Variants in SF1 observed in about 807,000 individuals in gnomAD.
The protein encoded by SF1 is branch point-binding protein.
SF1 carries 7 observed loss-of-function variants against 62.5 expected under a neutral mutation model. That is an observed-to-expected ratio of 0.11 (90% CI 0.06 to 0.21). The LOEUF (loss-of-function observed/expected upper bound fraction) is 0.21. Ranked by LOEUF, SF1 falls within the 10% of genes least tolerant of loss-of-function variation. The probability of loss-of-function intolerance (pLI) is 1.00; values close to 1 mark genes in which losing one functional copy is unlikely to be tolerated. For missense variants in SF1, 578 were observed against 884.0 expected (o/e 0.65, Z 4.39); for synonymous variants, 394 against 323.6 (o/e 1.22, Z -2.33).
At chr11:64,767,935 G>A (rs992713040) in intron 9 of SF1, 91 bp from the exon 10 acceptor site, 1 of 1,520,748 alleles carries the variant, frequency 6.6e-7, no homozygotes, top group Non-Finnish European at 8.8e-7. Context: ...CAGAACACAA[G>A]AACAAGGTCT....
At chr11:64,777,621 C>G in intron 1 of SF1, 1 of 985,540 alleles carries the variant, frequency 1.0e-6, no homozygotes, top group Non-Finnish European at 1.2e-6. Flanking sequence ...GGCTTTCACG[C>G]CCTGCTGGCA....
rs766964558 is a variant in SF1 at position 64,770,077 on chromosome 11, C to T, written c.390-24G>A. On this transcript the variant is annotated intron_variant, in intron 4 of 12. Coordinates refer to ENST00000377390, the MANE Select transcript of SF1 (RefSeq NM_004630.4). Reference sequence around the variant, plus strand: ...GTCTAAGAAAGAAAAGCCTGTGTCACCGCACATTTCTGGAGAATGACACAG... The same window carrying T: ...GTCTAAGAAAGAAAAGCCTGTGTCATCGCACATTTCTGGAGAATGACACAG... The T allele has an allele frequency of 2.5e-6, 4 of 1,597,368 alleles. No homozygotes were observed. In the African/African-American group the frequency reaches 4.0e-5, roughly 16 times the overall value.
intron 3 of SF1, chr11:64,771,810 C>T (rs891198237): frequency 1.0e-6 from 1 of 985,218 alleles, no homozygotes; most frequent in African/African-American, 1.7e-5. Context: ...TGATATAACA[C>T]CTTTTTAAGA....
At chr11:64,773,589 G>T (rs1938654085) in intron 2 of SF1, 84 bp from the exon 3 acceptor site, 1 of 1,462,722 alleles carries the variant, frequency 6.8e-7, no homozygotes, top group Non-Finnish European at 9.2e-7. Context: ...TCAACAACAA[G>T]CATGAAGAAC....
At chr11:64,773,198 T>A (rs1205733983) in intron 3 of SF1, 1 of 1,343,220 alleles carries the variant, frequency 7.4e-7, no homozygotes, top group African/African-American at 1.5e-5. Flanking sequence ...TGGAAACCAG[T>A]TGTCCATTTT....
intron 8 of SF1, among the ~76,000 whole-genome samples, chr11:64,768,638 T>C (rs1424786973): frequency 7.2e-5 from 11 of 152,226 alleles, no homozygotes; most frequent in Admixed American, 7.2e-4. Flanking sequence ...CAGAACGAAC[T>C]TCCTAAACAA....
At chr11:64,768,353 T>C (rs1937687557) in intron 8 of SF1, 67 bp from the exon 9 acceptor site, 1 of 1,462,648 alleles carries the variant, frequency 6.8e-7, no homozygotes. Flanking sequence ...GCTTTTATCC[T>C]GAGGAACCAA....
chr11:64,777,655 C>T, intron 1 of SF1: 1 of 985,614 alleles, frequency 1.0e-6, no homozygotes, highest in Non-Finnish European at 1.2e-6. Context: ...CCCCGTCCAG[C>T]GCTGAACACC....
chr11:64,766,866 A>ACCCCCCCCCC, intron 12 of SF1, 34 bp downstream of exon 12: 4 of 181,340 alleles, frequency 2.2e-5, no homozygotes, highest in Non-Finnish European at 2.0e-5. Context: ...CCCCCATCCC[A>ACCCCCCCCCC]CCCACCCCCA....
intron 3 of SF1, chr11:64,771,351 G>A: frequency 1.6e-6 from 1 of 640,900 alleles, no homozygotes. Flanking sequence ...ATTACAAAAA[G>A]GACCATAGCT....
rs759094836 is a variant in SF1 at position 64,765,825 on chromosome 11, T to C, written c.1913A>G (p.Gln638Arg). The C allele has an allele frequency of 3.2e-6, 5 of 1,548,970 alleles. No homozygotes were observed. The highest frequency in any genetic ancestry group is 4.4e-6 in the Non-Finnish European group (5 of 1,147,214). Residue 638 changes from glutamine to arginine, a missense_variant, in exon 13 of 13, where the codon CAG (glutamine) becomes CGG (arginine). Around this residue, in one of 7 missense-constraint regions of SF1, gnomAD observed 410 missense variants for 452.4 expected, o/e 0.91. Transcript: ENST00000377390. The stretch of plus-strand genomic sequence containing the variant: ...TTTTCTTAAAAAACAAGTCTAGTTC[T>C]GTGGTGGAGGCGGTGGGGGAGCTGG... ...MPPAPPPPPP[Q>R]N
rs1939780382 is a variant in SF1, at chr11:64,778,454, G to C, written c.-62C>G. 1 of 1,213,780 alleles carries C rather than the reference G, an allele frequency of 8.2e-7. No homozygotes were observed. The highest frequency in any genetic ancestry group is 1.0e-6 in the Non-Finnish European group (1 of 975,234). The allele number at this position is 1,213,780 out of a possible 1,614,324, so 75.2% of individuals were successfully genotyped here. A position where few individuals can be genotyped will look rare whatever the true frequency, so the allele number is the denominator to read the frequency against. On this transcript the variant is annotated 5_prime_UTR_variant, in exon 1 of 13. Coordinates refer to ENST00000377390, the MANE Select transcript of SF1 (RefSeq NM_004630.4). ...CTCTGCGGCGGCTTCTCCTTCGCAA[G>C]CCTCCCGGGGGGAGGGGACCCGAAT...
Position 64,778,432 on chromosome 11 carries a change from T to C in SF1, c.-40A>G, listed in dbSNP as rs1038855646. ...CAGGCACCGGCACCTGCTTTTCCTC[T>C]GCGGCGGCTTCTCCTTCGCAAGCCT... On this transcript the variant is annotated 5_prime_UTR_variant, in exon 1 of 13. Coordinates refer to ENST00000377390, the MANE Select transcript of SF1 (RefSeq NM_004630.4). 13 of 1,219,226 alleles carry C rather than the reference T, an allele frequency of 1.1e-5. No individual in the cohort carries two copies. The African/African-American group carries it at 1.9e-4, about 18-fold the overall frequency. The allele number at this position is 1,219,226 out of a possible 1,614,324, so 75.5% of individuals were successfully genotyped here. A position where few individuals can be genotyped will look rare whatever the true frequency, so the allele number is the denominator to read the frequency against.
intron 12 of SF1, chr11:64,766,698 C>T (rs1247517056): frequency 2.1e-6 from 1 of 475,688 alleles, no homozygotes; most frequent in Non-Finnish European, 3.7e-6. Flanking sequence ...AACCTCTCCC[C>T]AGACACAACC....
chr11:64,768,989 G>A (rs981544543), intron 8 of SF1, 33 bp downstream of exon 8: 2 of 1,448,486 alleles, frequency 1.4e-6, no homozygotes, highest in Non-Finnish European at 1.9e-6. Flanking sequence ...CACATCGCAG[G>A]CTACCAGGAA....
At chr11:64,766,827 G>T in intron 12 of SF1, 73 bp downstream of exon 12, 1 of 1,249,938 alleles carries the variant, frequency 8.0e-7, no homozygotes, top group Non-Finnish European at 1.1e-6. Flanking sequence ...GCCTGCTTGT[G>T]TGAGGCTCTA....
chr11:64,767,353 A>C (rs2058752245), intron 10 of SF1, 102 bp from the exon 11 acceptor site: 1 of 1,253,730 alleles, frequency 8.0e-7, no homozygotes, highest in Non-Finnish European at 1.2e-6. Context: ...GAGTTCTGAA[A>C]ACCATGCCTG....
At chr11:64,776,773 C>A in intron 1 of SF1, 147 bp from the exon 2 acceptor site, 1 of 729,532 alleles carries the variant, frequency 1.4e-6, no homozygotes, top group Non-Finnish European at 2.2e-6. Flanking sequence ...AAACAGAAAA[C>A]AAACCTCAGA....
chr11:64,766,781 C>T, intron 12 of SF1, 119 bp downstream of exon 12: 7 of 776,546 alleles, frequency 9.0e-6, no homozygotes, highest in Non-Finnish European at 1.3e-5. Context: ...CTGTTTACAA[C>T]CCCAGCAGAG....
Sources: allele counts gnomAD v4.1 joint callset (sites outside exome capture counted in the v4.1 genomes callset), GRCh38; gene constraint gnomAD v4.1.1; regional missense constraint gnomAD v4.1.1; transcripts MANE v1.5; gene names NCBI Gene and HGNC (gene_info 2026-07-23, HGNC 2026-07-21).